SLIT3: variants seen among roughly 807,000 people sequenced by gnomAD.
SLIT3 encodes slit guidance ligand 3, also known as slit homolog 3 protein.
SLIT3 carries 68 observed loss-of-function variants against 184.0 expected under a neutral mutation model. The ratio of observed to expected loss-of-function variants is 0.37; its 90% CI spans 0.30 to 0.45. The LOEUF (loss-of-function observed/expected upper bound fraction) is 0.45, where lower values mean the gene tolerates loss of function less well. Among genes scored for constraint, SLIT3 ranks in the 20% least tolerant of loss-of-function variants. The pLI, the probability that SLIT3 is intolerant of heterozygous loss-of-function variation, is 1.00. For missense variants in SLIT3, 1,707 were observed against 2,026.0 expected, an observed-to-expected ratio of 0.84 and a Z score of 3.02; for synonymous variants, 831 against 828.6, an observed-to-expected ratio of 1.00 and a Z score of -0.05.
At chr5:169,235,479 C>T (rs533547489) in intron 3 of SLIT3, among the ~76,000 whole-genome samples, 99 of 152,274 alleles carry the variant, frequency 6.5e-4, no homozygotes, top group African/African-American at 2.3e-3. Context: ...TACCCAATTT[C>T]CCCTATTAAC....
Position 168,806,346 on chromosome 5 carries a change from C to T in SLIT3, c.935+100G>A, listed in dbSNP as rs1302389875. On this transcript the variant is annotated intron_variant, in intron 9 of 35. Transcript: ENST00000519560. Reference sequence around the variant, plus strand: ...CCTGAGTGTTTTTAATGGTCAGCTCCAGCAGCCCCACACGCTGATGGCCTA... The same window carrying T: ...CCTGAGTGTTTTTAATGGTCAGCTCTAGCAGCCCCACACGCTGATGGCCTA... The T allele has an allele frequency of 4.3e-5, 57 of 1,321,926 alleles. No homozygotes were observed. The East Asian group carries it at 1.3e-3, about 30-fold the overall frequency. 81.9% of individuals were successfully genotyped at this position (1,321,926 alleles called of 1,614,324 possible). A position where few individuals can be genotyped will look rare whatever the true frequency, so the allele number is the denominator to read the frequency against.
chr5:169,081,344 T>C (rs76933376), intron 4 of SLIT3, among the ~76,000 whole-genome samples: 6,424 of 152,228 alleles, frequency 0.042, 425 homozygotes, highest in East Asian at 0.23. Context: ...GCTGGGCCTC[T>C]GCCTCCCAGC....
intron 29 of SLIT3, among the ~76,000 whole-genome samples, chr5:168,691,118 C>G (rs1057185958): frequency 6.6e-6 from 1 of 152,126 alleles, no homozygotes; most frequent in African/African-American, 2.4e-5. Flanking sequence ...AATATTTGCT[C>G]AGTGTCAAAT....
In SLIT3 at chr5:169,208,623, T is replaced by A. The variant is rs567293194; in HGVS notation, c.342-15073A>T. 3.1e-3 allele frequency among the ~76,000 whole-genome samples: 465 copies of A among 152,184 alleles called. 3 individuals carry two copies. The highest frequency in any genetic ancestry group is 0.011 in the African/African-American group (449 of 41,504). On this transcript the variant is annotated intron_variant, in intron 3 of 35. Coordinates refer to ENST00000519560, the MANE Select transcript of SLIT3 (RefSeq NM_003062.4). ...TGGAACAGAACAGAGGCCTCAGAAA[T>A]AACTCCACACATCTACAACCATCTG... is the stretch of plus-strand genomic sequence containing the variant.
At chr5:168,961,318 CCAGACATGGTCTGAGTG>C (rs1467113996) in intron 4 of SLIT3, among the ~76,000 whole-genome samples, 1 of 152,118 alleles carries the variant, frequency 6.6e-6, no homozygotes, top group Non-Finnish European at 1.5e-5. Flanking sequence ...CAGCCATGTA[CCAGACATGGTCTGAGTG>C]CACTGATGAA....
chr5:168,959,699 G>A (rs922581352), intron 4 of SLIT3, among the ~76,000 whole-genome samples: 1 of 152,140 alleles, frequency 6.6e-6, no homozygotes, highest in Non-Finnish European at 1.5e-5. Context: ...CAGCTGCTCA[G>A]TTCTTCTGTA....
chr5:168,764,927 T>C (rs1338344672), intron 14 of SLIT3, among the ~76,000 whole-genome samples: 6 of 152,236 alleles, frequency 3.9e-5, no homozygotes. Flanking sequence ...TGCCGAGTCC[T>C]GGGCGAATTT....
At chr5:169,184,662 CTG>C in intron 4 of SLIT3, among the ~76,000 whole-genome samples, 1 of 152,322 alleles carries the variant, frequency 6.6e-6, no homozygotes, top group East Asian at 1.9e-4. Flanking sequence ...GACTTCCCGG[CTG>C]TGTGGCCTGG....
At chr5:169,117,732 C>T (rs183554404) in intron 4 of SLIT3, among the ~76,000 whole-genome samples, 4 of 152,282 alleles carry the variant, frequency 2.6e-5, no homozygotes, top group East Asian at 1.9e-4. Flanking sequence ...CTATTCCCTG[C>T]GACCCAAAGG....
chr5:168,786,534 T>C (rs1756159866), intron 11 of SLIT3, among the ~76,000 whole-genome samples: 1 of 152,240 alleles, frequency 6.6e-6, no homozygotes, highest in African/African-American at 2.4e-5. Context: ...CAGGGAGCTT[T>C]GCTGTCTCAC....
chr5:168,796,275 A>G lies in SLIT3; in HGVS notation c.936-697T>C, dbSNP rs145407776. On this transcript the variant is annotated intron_variant, in intron 9 of 35. Coordinates refer to ENST00000519560, the MANE Select transcript of SLIT3 (RefSeq NM_003062.4). ...CTCTCCTATTACTTTGAAAGCAACA[A>G]GAGACGCTGCAGGCCCAGGGCCCAG... 2.8e-3 allele frequency among the ~76,000 whole-genome samples: 427 copies of G among 152,280 alleles called. 7 individuals carry two copies. The highest frequency in any genetic ancestry group is 3.6e-3 in the Non-Finnish European group (246 of 68,000).
intron 4 of SLIT3, among the ~76,000 whole-genome samples, chr5:169,192,598 G>A (rs1484917157): frequency 1.3e-5 from 2 of 152,096 alleles, no homozygotes; most frequent in Non-Finnish European, 2.9e-5. Context: ...GCAACCACTG[G>A]GAATGAGAAT....
intron 26 of SLIT3, among the ~76,000 whole-genome samples, chr5:168,702,041 C>T (rs1426382857): frequency 6.6e-6 from 1 of 152,230 alleles, no homozygotes; most frequent in Non-Finnish European, 1.5e-5. Flanking sequence ...CGTCTGGTTC[C>T]CTTCATGCCC....
chr5:168,839,410 C>T (rs1478108937), intron 6 of SLIT3, among the ~76,000 whole-genome samples: 5 of 152,172 alleles, frequency 3.3e-5, no homozygotes, highest in Admixed American at 3.3e-4. Flanking sequence ...CATGCCCCGT[C>T]CAAGGAGGAC....
chr5:169,045,428 G>GA (rs5873145), intron 4 of SLIT3, among the ~76,000 whole-genome samples: 21,322 of 123,686 alleles, frequency 0.17, 2,183 homozygotes, highest in East Asian at 0.44. Flanking sequence ...GTCCATGCAG[G>GA]AAAAAAAAAA....
At chr5:168,956,995 G>C (rs1414682244) in intron 4 of SLIT3, among the ~76,000 whole-genome samples, 1 of 151,360 alleles carries the variant, frequency 6.6e-6, no homozygotes, top group African/African-American at 2.4e-5. Context: ...TTGGGAGGCC[G>C]AGGCAGGTGG....
chr5:168,777,687 C>A (rs1032774636), intron 12 of SLIT3, among the ~76,000 whole-genome samples: 1 of 152,248 alleles, frequency 6.6e-6, no homozygotes, highest in Non-Finnish European at 1.5e-5. Context: ...CTCCTGGTCA[C>A]TCATTCTCTC....
At chr5:168,766,985 T>C (rs1022606182) in intron 14 of SLIT3, among the ~76,000 whole-genome samples, 4 of 152,198 alleles carry the variant, frequency 2.6e-5, no homozygotes, top group Non-Finnish European at 5.9e-5. Flanking sequence ...GGAAGGTGGG[T>C]ATTACAGCAG....
chr5:168,878,020 T>C lies in SLIT3; in HGVS notation c.485+5245A>G, dbSNP rs193242490. ...TCTTTCCCTCCTCTCTCCTTTTCGC[T>C]GTGCCTTTGCCCAGTACCTAGCACA... On this transcript the variant is annotated intron_variant, in intron 5 of 35. Coordinates refer to ENST00000519560, the MANE Select transcript of SLIT3 (RefSeq NM_003062.4). 9.5e-4 allele frequency among the ~76,000 whole-genome samples: 145 copies of C among 152,334 alleles called. 1 individual carries two copies. Among genetic ancestry groups the C allele is most frequent in the African/African-American group, 3.2e-3 (135 of 41,570 alleles).
Sources: allele counts gnomAD v4.1 joint callset (sites outside exome capture counted in the v4.1 genomes callset), GRCh38; gene constraint gnomAD v4.1.1; transcripts MANE v1.5; gene names NCBI Gene and HGNC (gene_info 2026-07-23, HGNC 2026-07-21).